Variants in CFAP221 observed in about 807,000 individuals in gnomAD.
CFAP221 encodes the protein cilia- and flagella-associated protein 221.
Under a neutral mutation model 113.1 loss-of-function variants are expected in CFAP221, and 97 were observed. The observed-to-expected ratio is 0.86, with a 90% CI of 0.73 to 1.02. The LOEUF is 1.02. Ranked by LOEUF, CFAP221 falls within the 50% of genes least tolerant of loss-of-function variation. CFAP221 has a pLI of 0.00. For synonymous variants in CFAP221, 331 were observed against 354.4 expected, an observed-to-expected ratio of 0.93 and a Z score of 0.74; for missense variants, 1,025 against 1,013.4, an observed-to-expected ratio of 1.01 and a Z score of -0.16.
intron 19 of CFAP221, among the ~76,000 whole-genome samples, chr2:119,635,243 T>C (rs1194172072): frequency 6.6e-6 from 1 of 152,240 alleles, no homozygotes; most frequent in Non-Finnish European, 1.5e-5. Flanking sequence ...GAAAACTGTT[T>C]GGCAGTTTCT....
chr2:119,651,402 AGTT>A (rs1688119891), intron 22 of CFAP221, among the ~76,000 whole-genome samples: 1 of 152,044 alleles, frequency 6.6e-6, no homozygotes, highest in South Asian at 2.1e-4. Flanking sequence ...AAAGTTGTGT[AGTT>A]GTAACAAAGA....
At chr2:119,562,141 GT>G in intron 6 of CFAP221, 27 bp downstream of exon 6, 3 of 1,431,860 alleles carry the variant, frequency 2.1e-6, no homozygotes, top group Non-Finnish European at 2.8e-6. Flanking sequence ...TCAACAAAAT[GT>G]ATAGGATGTG....
intron 6 of CFAP221, among the ~76,000 whole-genome samples, chr2:119,572,028 G>A (rs979095871): frequency 6.6e-5 from 10 of 152,240 alleles, no homozygotes; most frequent in African/African-American, 2.4e-4. Context: ...TCTTAGGGTA[G>A]GATGAGACCT....
intron 20 of CFAP221, among the ~76,000 whole-genome samples, chr2:119,639,000 T>G (rs2104786730): frequency 6.6e-6 from 1 of 152,110 alleles, no homozygotes; most frequent in East Asian, 1.9e-4. Context: ...TGCCTTTCTG[T>G]TTTATGGACT....
intron 15 of CFAP221, among the ~76,000 whole-genome samples, chr2:119,626,009 G>A (rs766998668): frequency 2.0e-5 from 3 of 152,144 alleles, no homozygotes; most frequent in Non-Finnish European, 4.4e-5. Context: ...GAGGTCAGAA[G>A]TCTAAAACCA....
At chr2:119,611,385 T>G (rs1685149731) in intron 12 of CFAP221, among the ~76,000 whole-genome samples, 1 of 131,782 alleles carries the variant, frequency 7.6e-6, no homozygotes, top group Non-Finnish European at 1.5e-5. Context: ...ATTGTGCCAC[T>G]GCACTCCAGC....
At chr2:119,658,713 G>A (rs1232441553), downstream of CFAP221, among the ~76,000 whole-genome samples, 1 of 151,972 alleles carries the variant, frequency 6.6e-6, no homozygotes, top group Non-Finnish European at 1.5e-5. Context: ...AGGCGTGGTG[G>A]CTCACGCCTG....
intron 15 of CFAP221, 30 bp from the exon 16 acceptor site, chr2:119,627,623 C>A: frequency 6.2e-7 from 1 of 1,609,006 alleles, no homozygotes; most frequent in Non-Finnish European, 8.5e-7. Flanking sequence ...CTTTAGTACC[C>A]CCTAAAAGTG....
At chr2:119,594,860 G>A (rs1048948299) in intron 7 of CFAP221, among the ~76,000 whole-genome samples, 1 of 152,232 alleles carries the variant, frequency 6.6e-6, no homozygotes, top group Non-Finnish European at 1.5e-5. Flanking sequence ...CTGAGGCATG[G>A]AGTGTTATGT....
rs772381061 is a variant in CFAP221 at position 119,615,697 on chromosome 2, A to G, written c.1398A>G (p.Gln466=). The change falls in exon 14 of 24, where the codon CAA becomes CAG. Residue 466 remains glutamine (Q), a synonymous_variant. Coordinates refer to ENST00000413369, the MANE Select transcript of CFAP221 (RefSeq NM_001271049.2). ...CCAGGGCACAAAAACGGTTTCAACA[A>G]GTAGCACGCAAGGTAAGTCTCAGCA... is the stretch of plus-strand genomic sequence containing the variant. ...SRSRAQKRFQ[Q]VARKVMIQGR... 1.8e-5 allele frequency: 29 copies of G among 1,610,506 alleles called. No homozygotes were observed. In the Admixed American group the frequency reaches 4.7e-4, roughly 26 times the overall value.
chr2:119,551,685 C>T (rs1370238642), intron 3 of CFAP221, among the ~76,000 whole-genome samples: 3 of 152,112 alleles, frequency 2.0e-5, no homozygotes, highest in Non-Finnish European at 4.4e-5. Flanking sequence ...TCAGGAAGTG[C>T]GAGTCCTCCA....
chr2:119,553,762 C>T (rs370125623), intron 3 of CFAP221, among the ~76,000 whole-genome samples: 30 of 152,272 alleles, frequency 2.0e-4, no homozygotes, highest in African/African-American at 5.1e-4. Flanking sequence ...GATATGAAGC[C>T]TCAGCTCGGC....
chr2:119,619,820 T>C (rs1685779051), intron 14 of CFAP221, among the ~76,000 whole-genome samples: 1 of 151,860 alleles, frequency 6.6e-6, no homozygotes, highest in African/African-American at 2.4e-5. Flanking sequence ...ACCAACCCAA[T>C]GAAAGAAAGC....
intron 14 of CFAP221, among the ~76,000 whole-genome samples, chr2:119,616,565 C>A (rs970266118): frequency 6.6e-6 from 1 of 152,160 alleles, no homozygotes; most frequent in Admixed American, 6.5e-5. Context: ...CAGGATAAAA[C>A]GAAGACTTCT....
At position 119,587,773 on chromosome 2, in the gene CFAP221, A is replaced by T. The variant is rs567343745; in HGVS notation, c.631+551A>T. 8.3e-4 allele frequency among the ~76,000 whole-genome samples: 127 copies of T among 152,316 alleles called. 2 individuals carry two copies. Among genetic ancestry groups the T allele is most frequent in the African/African-American group, 2.9e-3 (119 of 41,566 alleles). Reference sequence around the variant, plus strand: ...TGGTCTACTGTGGTCTACTGTGGACAGATATTTAAAATTGTTAAATTTAAA... The same window carrying T: ...TGGTCTACTGTGGTCTACTGTGGACTGATATTTAAAATTGTTAAATTTAAA... On this transcript the variant is annotated intron_variant, in intron 7 of 23. Coordinates refer to ENST00000413369, the MANE Select transcript of CFAP221 (RefSeq NM_001271049.2).
intron 6 of CFAP221, among the ~76,000 whole-genome samples, chr2:119,585,817 A>C (rs762663758): frequency 1.3e-5 from 2 of 152,194 alleles, no homozygotes; most frequent in Non-Finnish European, 2.9e-5. Context: ...TGGAGACCCA[A>C]ATGGACTTGG....
intron 14 of CFAP221, among the ~76,000 whole-genome samples, chr2:119,619,779 T>TA (rs1685777080): frequency 6.6e-6 from 1 of 151,918 alleles, no homozygotes; most frequent in African/African-American, 2.4e-5. Context: ...AGGTGGGTAA[T>TA]AACAAACTCC....
chr2:119,643,061 G>A (rs1400054783), intron 21 of CFAP221, among the ~76,000 whole-genome samples: 6 of 152,150 alleles, frequency 3.9e-5, no homozygotes, highest in African/African-American at 1.4e-4. Context: ...AAAGTGTTGG[G>A]ATTACAGGTG....
At chr2:119,582,380 A>T (rs1242909482) in intron 6 of CFAP221, among the ~76,000 whole-genome samples, 4 of 152,148 alleles carry the variant, frequency 2.6e-5, no homozygotes, top group Non-Finnish European at 4.4e-5. Context: ...GGTAGGGCTG[A>T]CCACACTGTA....
Sources: allele counts gnomAD v4.1 joint callset (sites outside exome capture counted in the v4.1 genomes callset), GRCh38; gene constraint gnomAD v4.1.1; transcripts MANE v1.5; gene names NCBI Gene and HGNC (gene_info 2026-07-23, HGNC 2026-07-21).